Variants in TIMP2 observed in about 807,000 individuals in gnomAD.
TIMP2 encodes the protein TIMP metallopeptidase inhibitor 2.
Under a neutral mutation model 24.3 loss-of-function variants are expected in TIMP2, and 5 were observed. The observed-to-expected ratio is 0.21, with a 90% CI of 0.11 to 0.43. The LOEUF is 0.43. Among genes scored for constraint, TIMP2 ranks in the 20% least tolerant of loss-of-function variants. The pLI is 1.00. For synonymous variants in TIMP2, 130 were observed against 123.2 expected (o/e 1.06, Z -0.37); for missense variants, 221 against 297.5 (o/e 0.74, Z 1.89).
intron 1 of TIMP2, among the ~76,000 whole-genome samples, chr17:78,881,881 G>GT (rs1381592420): frequency 6.6e-6 from 1 of 152,228 alleles, no homozygotes; most frequent in Non-Finnish European, 1.5e-5. Context: ...ATAACTTGGC[G>GT]TTGCCATTGG....
intron 1 of TIMP2, chr17:78,898,789 G>A (rs1296063112): frequency 6.6e-6 from 1 of 152,274 alleles, no homozygotes; most frequent in Non-Finnish European, 1.5e-5. Context: ...CCAGGCTGGA[G>A]TGCAGTGGTG....
At chr17:78,862,664 G>A (rs191299570) in intron 3 of TIMP2, among the ~76,000 whole-genome samples, 1 of 152,346 alleles carries the variant, frequency 6.6e-6, no homozygotes, top group Admixed American at 6.5e-5. Flanking sequence ...CCAGGTAGTG[G>A]GCATAGCGCC....
At chr17:78,919,435 C>G (rs1157401696) in intron 1 of TIMP2, among the ~76,000 whole-genome samples, 1 of 152,224 alleles carries the variant, frequency 6.6e-6, no homozygotes, top group Non-Finnish European at 1.5e-5. Context: ...ACACCCCACC[C>G]TGCTGCCGCT....
At chr17:78,884,295 G>C (rs900090746) in intron 1 of TIMP2, among the ~76,000 whole-genome samples, 1 of 152,196 alleles carries the variant, frequency 6.6e-6, no homozygotes, top group Non-Finnish European at 1.5e-5. Context: ...CTGCGACAGC[G>C]CGAGGTGGGC....
Position 78,870,825 on chromosome 17 carries a change from G to A in TIMP2, c.340+73C>T, listed in dbSNP as rs2277699. The A allele has an allele frequency of 1.2e-3, 1,606 of 1,331,612 alleles. 15 individuals carry two copies. The Admixed American group carries it at 0.016, about 14-fold the overall frequency. 82.5% of individuals were successfully genotyped at this position (1,331,612 alleles called of 1,614,324 possible). ...TCCCCACCCCCCGAGCCTGGGAAAC[G>A]AGCCCTGGACCGCGTCTAGGAACAG... On this transcript the variant is annotated intron_variant, in intron 3 of 4. Transcript: ENST00000262768.
intron 3 of TIMP2, among the ~76,000 whole-genome samples, chr17:78,868,538 A>G (rs888026121): frequency 2.6e-5 from 4 of 152,176 alleles, no homozygotes; most frequent in Admixed American, 2.0e-4. Flanking sequence ...GCCATGAGCC[A>G]CTGCACCAGG....
intron 3 of TIMP2, among the ~76,000 whole-genome samples, chr17:78,859,879 C>G (rs1386378878): frequency 6.6e-6 from 1 of 152,008 alleles, no homozygotes; most frequent in Non-Finnish European, 1.5e-5. Flanking sequence ...GTAATCCCAG[C>G]TACTCGGGAG....
chr17:78,871,472 A>C (rs370741007), intron 2 of TIMP2, among the ~76,000 whole-genome samples: 1,683 of 149,144 alleles, frequency 0.011, 28 homozygotes, highest in African/African-American at 0.039. Context: ...AAAAAAAAAG[A>C]AAAGAAAAAG....
chr17:78,872,133 C>T (rs912798595), intron 2 of TIMP2, among the ~76,000 whole-genome samples: 7 of 150,914 alleles, frequency 4.6e-5, no homozygotes, highest in African/African-American at 1.7e-4. Context: ...GGACTATAGG[C>T]GCATGCCACC....
At chr17:78,892,404 C>T in intron 1 of TIMP2, 3 of 1,550,468 alleles carry the variant, frequency 1.9e-6, no homozygotes, top group Non-Finnish European at 1.7e-6. Context: ...GTGGAGGGTT[C>T]AAGGGGCGCC....
At chr17:78,884,090 C>T (rs2069803878) in intron 1 of TIMP2, among the ~76,000 whole-genome samples, 1 of 152,232 alleles carries the variant, frequency 6.6e-6, no homozygotes, top group South Asian at 2.1e-4. Flanking sequence ...CCCTGCAAAC[C>T]CTAAGCCAGA....
intron 3 of TIMP2, among the ~76,000 whole-genome samples, chr17:78,859,688 T>A (rs2069553284): frequency 6.6e-6 from 1 of 150,494 alleles, no homozygotes. Flanking sequence ...AAAAAATAAA[T>A]AAAATAAAAA....
chr17:78,888,198 C>T (rs2069842422), intron 1 of TIMP2, among the ~76,000 whole-genome samples: 1 of 150,362 alleles, frequency 6.7e-6, no homozygotes, highest in Non-Finnish European at 1.5e-5. Context: ...CTCGCTCTGA[C>T]ACCCAGGCTG....
intron 1 of TIMP2, among the ~76,000 whole-genome samples, chr17:78,884,054 A>G (rs1293710643): frequency 6.6e-6 from 1 of 152,212 alleles, no homozygotes; most frequent in African/African-American, 2.4e-5. Flanking sequence ...TTTCTCCGTC[A>G]AGACCCACGG....
chr17:78,922,062 T>G (rs968150343), intron 1 of TIMP2: 1 of 152,222 alleles, frequency 6.6e-6, no homozygotes, highest in Non-Finnish European at 1.5e-5. Flanking sequence ...TTAAATCACC[T>G]GTGGGCCTTT....
At chr17:78,857,349 C>G in intron 4 of TIMP2, 173 bp downstream of exon 4, 2 of 853,142 alleles carry the variant, frequency 2.3e-6, no homozygotes, top group Non-Finnish European at 3.6e-6. Flanking sequence ...GTCAAAGGCT[C>G]TGTCCCCAGC....
chr17:78,866,743 T>C (rs78027352), intron 3 of TIMP2, among the ~76,000 whole-genome samples: 1 of 152,120 alleles, frequency 6.6e-6, no homozygotes, highest in Non-Finnish European at 1.5e-5. Flanking sequence ...CACTGTAACA[T>C]GGATGACCCT....
At chr17:78,883,834 T>C (rs1308592893) in intron 1 of TIMP2, among the ~76,000 whole-genome samples, 3 of 151,896 alleles carry the variant, frequency 2.0e-5, no homozygotes, top group Admixed American at 1.3e-4. Context: ...CCCAGGGCCC[T>C]GCCCCCTCCC....
chr17:78,902,890 A>G (rs1028155137), intron 1 of TIMP2: 1 of 152,120 alleles, frequency 6.6e-6, no homozygotes, highest in African/African-American at 2.4e-5. Flanking sequence ...TTCATCTCCA[A>G]CCCAGTCCCA....
Sources: allele counts gnomAD v4.1 joint callset (sites outside exome capture counted in the v4.1 genomes callset), GRCh38; gene constraint gnomAD v4.1.1; transcripts MANE v1.5; gene names NCBI Gene and HGNC (gene_info 2026-07-23, HGNC 2026-07-21).